Variants in STK3 observed in about 807,000 individuals in gnomAD.
The protein encoded by STK3 is serine/threonine-protein kinase 3.
Under a neutral mutation model 58.0 loss-of-function variants are expected in STK3, and 41 were observed. The ratio of observed to expected loss-of-function variants is 0.71; its 90% CI spans 0.55 to 0.92. The LOEUF is 0.92. STK3 is among the 40% of genes least tolerant of loss of function. STK3 has a pLI of 0.00. For missense variants in STK3, 479 were observed against 602.7 expected, an observed-to-expected ratio of 0.79 and a Z score of 2.15; for synonymous variants, 170 against 191.0, an observed-to-expected ratio of 0.89 and a Z score of 0.91.
chr8:98,559,557 C>G (rs964656979), intron 8 of STK3, among the ~76,000 whole-genome samples: 1 of 152,144 alleles, frequency 6.6e-6, no homozygotes, highest in African/African-American at 2.4e-5. Flanking sequence ...AATCTATGCT[C>G]ATGGTTTAAC....
chr8:98,870,006 C>A (rs1289870975), intron 3 of STK3, among the ~76,000 whole-genome samples: 1 of 152,100 alleles, frequency 6.6e-6, no homozygotes, highest in Non-Finnish European at 1.5e-5. Flanking sequence ...CCCCCAACCC[C>A]ATGACAGGCC....
intron 3 of STK3, among the ~76,000 whole-genome samples, chr8:98,844,092 G>A (rs890104834): frequency 4.6e-5 from 7 of 152,180 alleles, no homozygotes; most frequent in Non-Finnish European, 8.8e-5. Context: ...GGAGTTCAAG[G>A]CTATGGTTGT....
At chr8:98,458,912 T>A (rs756635643) in intron 10 of STK3, among the ~76,000 whole-genome samples, 14 of 152,342 alleles carry the variant, frequency 9.2e-5, no homozygotes, top group Non-Finnish European at 1.9e-4. Context: ...GTCTTGGGTA[T>A]TTCTTTATAG....
At chr8:98,750,670 T>C (rs771689775) in intron 3 of STK3, among the ~76,000 whole-genome samples, 46 of 150,690 alleles carry the variant, frequency 3.1e-4, no homozygotes, top group Middle Eastern at 3.5e-3. Context: ...TTCTAGCAGA[T>C]GTACAAAGAA....
downstream of STK3, chr8:98,883,499 T>C: frequency 1.7e-6 from 1 of 581,160 alleles, no homozygotes; most frequent in Non-Finnish European, 3.1e-6. Context: ...CTCTTCTGTA[T>C]TACTGAAGTC....
At chr8:98,929,050 G>T (rs1839913147) in intron 1 of STK3, among the ~76,000 whole-genome samples, 2 of 151,610 alleles carry the variant, frequency 1.3e-5, no homozygotes, top group South Asian at 4.2e-4. Flanking sequence ...TGGATCACCT[G>T]AGGTCAGGAG....
intron 4 of STK3, among the ~76,000 whole-genome samples, chr8:98,714,285 T>C (rs1286427565): frequency 6.6e-6 from 1 of 152,158 alleles, no homozygotes; most frequent in African/African-American, 2.4e-5. Flanking sequence ...GTCAGGGCAA[T>C]TAGGCAGGAG....
chr8:98,711,229 T>C (rs1826403512), intron 4 of STK3, among the ~76,000 whole-genome samples: 1 of 151,746 alleles, frequency 6.6e-6, no homozygotes, highest in Admixed American at 6.6e-5. Flanking sequence ...TAAGAGTGCC[T>C]CTCCTCCTCC....
At chr8:98,935,715 C>T (rs1267092865) in intron 1 of STK3, among the ~76,000 whole-genome samples, 1 of 151,946 alleles carries the variant, frequency 6.6e-6, no homozygotes, top group African/African-American at 2.4e-5. Context: ...ACATTTGTTC[C>T]AACAGCTTAA....
At chr8:98,601,597 C>T (rs1471508089) in intron 6 of STK3, 1 of 152,120 alleles carries the variant, frequency 6.6e-6, no homozygotes, top group African/African-American at 2.4e-5. Context: ...TATATCAGAT[C>T]ATTTTAATAA....
intron 3 of STK3, among the ~76,000 whole-genome samples, chr8:98,864,339 A>G (rs1298049752): frequency 6.6e-6 from 1 of 152,158 alleles, no homozygotes; most frequent in Non-Finnish European, 1.5e-5. Context: ...CCTGAGTATA[A>G]AAAGCACACC....
At chr8:98,901,660 C>T (rs538769208) in intron 1 of STK3, among the ~76,000 whole-genome samples, 3 of 152,358 alleles carry the variant, frequency 2.0e-5, no homozygotes, top group East Asian at 3.9e-4. Flanking sequence ...CCCACCTGCT[C>T]CCTCAGGCAG....
At chr8:98,607,664 T>C (rs1278699322) in intron 6 of STK3, among the ~76,000 whole-genome samples, 1 of 152,226 alleles carries the variant, frequency 6.6e-6, no homozygotes, top group Non-Finnish European at 1.5e-5. Context: ...AAATTGCATG[T>C]TGAACTACAG....
chr8:98,846,372 A>C (rs1392293836), intron 3 of STK3, among the ~76,000 whole-genome samples: 1 of 152,244 alleles, frequency 6.6e-6, no homozygotes, highest in Non-Finnish European at 1.5e-5. Context: ...GCAAAAGTTC[A>C]AACCATGACA....
chr8:98,882,824 T>G (rs1837847376), downstream of STK3: 1 of 152,190 alleles, frequency 6.6e-6, no homozygotes, highest in South Asian at 2.1e-4. Context: ...TAAACAACAA[T>G]TATCATTACT....
At chr8:98,696,709 A>G (rs1339992622) in intron 6 of STK3, among the ~76,000 whole-genome samples, 1 of 152,184 alleles carries the variant, frequency 6.6e-6, no homozygotes, top group Admixed American at 6.5e-5. Context: ...GATGAAGCCC[A>G]CTTGATCATG....
At chr8:98,586,577 GC>G (rs1233714423) in intron 7 of STK3, among the ~76,000 whole-genome samples, 3 of 149,814 alleles carry the variant, frequency 2.0e-5, no homozygotes, top group African/African-American at 4.9e-5. Flanking sequence ...TTGTGTCTCT[GC>G]CCGGCTTTGG....
rs189728164 is a variant in STK3, at chr8:98,815,607, G to C, written c.26+9908C>G. Among the ~76,000 whole-genome samples the C allele has an allele frequency of 7.0e-3, 1,068 of 152,264 alleles. 9 individuals are homozygous for C. Among genetic ancestry groups the C allele is most frequent in the African/African-American group, 0.024 (1,001 of 41,552 alleles). The stretch of plus-strand genomic sequence containing the variant: ...AAGGTGAGACAATTTGCGCTTCAGT[G>C]AAAGTGATTCCAATGGATTAAATCC... On this transcript the variant is annotated intron_variant, in intron 1 of 10. Transcript: ENST00000419617.
At chr8:98,532,095 C>T (rs755235812) in intron 9 of STK3, among the ~76,000 whole-genome samples, 14 of 152,212 alleles carry the variant, frequency 9.2e-5, no homozygotes, top group Non-Finnish European at 1.6e-4. Flanking sequence ...AGAAGTTTTT[C>T]TTTGCATTCA....
Sources: allele counts gnomAD v4.1 joint callset (sites outside exome capture counted in the v4.1 genomes callset), GRCh38; gene constraint gnomAD v4.1.1; transcripts MANE v1.5; gene names NCBI Gene and HGNC (gene_info 2026-07-23, HGNC 2026-07-21).